Variants in RAB20 observed in about 807,000 individuals in gnomAD.
RAB20 encodes the protein RAB20, member RAS oncogene family.
In RAB20, 2 loss-of-function variants were observed where a neutral mutation model predicts 3.7. The ratio of observed to expected loss-of-function variants is 0.54; its 90% CI spans 0.22 to 1.69. RAB20 has a LOEUF of 1.69. RAB20 is among the 40% of genes most tolerant of loss of function. The probability of loss-of-function intolerance (pLI) is 0.19; values close to 1 mark genes in which losing one functional copy is unlikely to be tolerated. For synonymous variants in RAB20, 126 were observed against 130.8 expected (o/e 0.96, Z 0.25); for missense variants, 276 against 311.9 (o/e 0.88, Z 0.87).
chr13:110,536,982 A>C (rs1594132324), intron 1 of RAB20, among the ~76,000 whole-genome samples: 6 of 77,728 alleles, frequency 7.7e-5, no homozygotes, highest in African/African-American at 3.6e-4. Context: ...TCCTGTGTCC[A>C]AGTGTTTTTT....
intron 1 of RAB20, among the ~76,000 whole-genome samples, chr13:110,552,957 G>C (rs938177014): frequency 6.6e-6 from 1 of 152,202 alleles, no homozygotes; most frequent in Non-Finnish European, 1.5e-5. Flanking sequence ...CACACTGCTC[G>C]CAAGCGGCCA....
At chr13:110,539,717 G>A (rs1035122631) in intron 1 of RAB20, among the ~76,000 whole-genome samples, 1 of 151,918 alleles carries the variant, frequency 6.6e-6, no homozygotes, top group South Asian at 2.1e-4. Flanking sequence ...CCGCCACCAC[G>A]CCTGGCTAAT....
chr13:110,550,372 C>T (rs1884932629), intron 1 of RAB20, among the ~76,000 whole-genome samples: 1 of 152,158 alleles, frequency 6.6e-6, no homozygotes, highest in Non-Finnish European at 1.5e-5. Flanking sequence ...TTAATTGAAC[C>T]CAAAGAGGGG....
chr13:110,541,111 C>T (rs1225551412), intron 1 of RAB20, among the ~76,000 whole-genome samples: 2 of 152,120 alleles, frequency 1.3e-5, no homozygotes, highest in Admixed American at 6.5e-5. Flanking sequence ...AGGTGAGAGC[C>T]GACCACCCCT....
At chr13:110,541,123 A>T (rs2477912) in intron 1 of RAB20, among the ~76,000 whole-genome samples, 2 of 151,798 alleles carry the variant, frequency 1.3e-5, no homozygotes, top group Admixed American at 1.3e-4. Flanking sequence ...ACCACCCCTC[A>T]CTCTAAGTAA....
chr13:110,545,969 C>A (rs1379376820), intron 1 of RAB20, among the ~76,000 whole-genome samples: 2 of 152,136 alleles, frequency 1.3e-5, no homozygotes, highest in African/African-American at 4.8e-5. Flanking sequence ...GTAGTCTTCA[C>A]CCAGAAGCCA....
At chr13:110,533,983 G>C (rs1594130902) in intron 1 of RAB20, among the ~76,000 whole-genome samples, 1 of 152,208 alleles carries the variant, frequency 6.6e-6, no homozygotes, top group African/African-American at 2.4e-5. Flanking sequence ...AGCCTCCAGA[G>C]AGCCAATGGC....
At chr13:110,560,325 G>A (rs1487757056) in intron 1 of RAB20, among the ~76,000 whole-genome samples, 1 of 152,196 alleles carries the variant, frequency 6.6e-6, no homozygotes, top group African/African-American at 2.4e-5. Flanking sequence ...AGGCAAAAGG[G>A]AGGGGGAGAA....
chr13:110,523,227 C>T lies in RAB20; in HGVS notation c.*438G>A, dbSNP rs1206407744. ...CCAAGTGGGAGGACCAAAGACAACTCACAGTGAAGAGAAACGCTTGAGAAC... is the reference window on the plus strand; with the variant it reads ...CCAAGTGGGAGGACCAAAGACAACTTACAGTGAAGAGAAACGCTTGAGAAC... On this transcript the variant is annotated 3_prime_UTR_variant, in exon 2 of 2. Transcript: ENST00000267328. The T allele has an allele frequency of 2.4e-6, 1 of 408,812 alleles. No individual in the cohort carries two copies. Among genetic ancestry groups the T allele is most frequent in the East Asian group, 3.5e-5 (1 of 28,756 alleles). 25.3% of individuals were successfully genotyped at this position (408,812 alleles called of 1,614,324 possible).
chr13:110,527,317 G>A (rs997824287), intron 1 of RAB20, among the ~76,000 whole-genome samples: 1 of 151,964 alleles, frequency 6.6e-6, no homozygotes, highest in African/African-American at 2.4e-5. Context: ...GAGCCAGACA[G>A]ACCTGTCTAC....
At chr13:110,547,117 C>G (rs550293977) in intron 1 of RAB20, among the ~76,000 whole-genome samples, 1 of 152,288 alleles carries the variant, frequency 6.6e-6, no homozygotes, top group South Asian at 2.1e-4. Flanking sequence ...CCTGGAATGC[C>G]GCCAGTCAAG....
chr13:110,531,412 G>A (rs777109054), intron 1 of RAB20, among the ~76,000 whole-genome samples: 3 of 152,332 alleles, frequency 2.0e-5, no homozygotes, highest in East Asian at 1.9e-4. Flanking sequence ...CGGCTAATTC[G>A]CTGGGCAGGG....
chr13:110,552,726 A>T (rs1353602049), intron 1 of RAB20, among the ~76,000 whole-genome samples: 3 of 149,940 alleles, frequency 2.0e-5, no homozygotes, highest in Non-Finnish European at 4.4e-5. Flanking sequence ...TAAATAAATA[A>T]ATAAATAAAA....
chr13:110,553,171 T>C (rs1884986001), intron 1 of RAB20, among the ~76,000 whole-genome samples: 1 of 152,234 alleles, frequency 6.6e-6, no homozygotes, highest in Non-Finnish European at 1.5e-5. Context: ...GGTGACCATG[T>C]GGACCCACAT....
chr13:110,555,396 T>G lies in RAB20; in HGVS notation c.172+5952A>C, dbSNP rs1431092533. 6.6e-6 allele frequency among the ~76,000 whole-genome samples: 1 copy of G among 152,128 alleles called. No homozygotes were observed. Among genetic ancestry groups the G allele is most frequent in the Admixed American group, 6.5e-5 (1 of 15,278 alleles). On this transcript the variant is annotated intron_variant, in intron 1 of 1. Transcript: ENST00000267328. The surrounding 1 kb of genome is among the most constrained non-coding windows in gnomAD (Gnocchi z 4.0). ...ACCACAGAGTCCCCCATTTTCTCAG[T>G]CCTGCCTTTTGTCACACAGATTCCA...
Position 110,523,587 on chromosome 13 carries a change from TGCTC to T in RAB20, c.*74_*77del. The T allele has an allele frequency of 1.3e-6, 2 of 1,544,128 alleles. No homozygotes were observed. Among genetic ancestry groups the T allele is most frequent in the Non-Finnish European group, 8.7e-7 (1 of 1,145,688 alleles). ...TGGAAAATAATTCCTTGCTGTTCCTTGCTCCTTTCAGATCACAGCTTGCCTGGTC... is the reference window on the plus strand; with the variant it reads ...TGGAAAATAATTCCTTGCTGTTCCTTCTTTCAGATCACAGCTTGCCTGGTC... On this transcript the variant is annotated 3_prime_UTR_variant, in exon 2 of 2. Coordinates refer to ENST00000267328, the MANE Select transcript of RAB20 (RefSeq NM_017817.3).
chr13:110,559,982 C>T (rs1168433624), intron 1 of RAB20, among the ~76,000 whole-genome samples: 1 of 152,154 alleles, frequency 6.6e-6, no homozygotes, highest in African/African-American at 2.4e-5. Context: ...AAACCAAGGG[C>T]AGCAGTAAAT....
At chr13:110,536,758 A>T (rs1468257283) in intron 1 of RAB20, among the ~76,000 whole-genome samples, 13 of 46,122 alleles carry the variant, frequency 2.8e-4, no homozygotes, top group East Asian at 6.5e-4. Flanking sequence ...TGTTTATTTT[A>T]CTTGTACTTT....
At chr13:110,529,063 C>T (rs1159002562) in intron 1 of RAB20, among the ~76,000 whole-genome samples, 2 of 152,208 alleles carry the variant, frequency 1.3e-5, no homozygotes, top group Admixed American at 1.3e-4. Context: ...AAGGGCCAGT[C>T]CCGCAGGGAA....
Sources: allele counts gnomAD v4.1 joint callset (sites outside exome capture counted in the v4.1 genomes callset), GRCh38; gene constraint gnomAD v4.1.1; non-coding constraint Gnocchi (gnomAD v3.1); transcripts MANE v1.5; gene names NCBI Gene and HGNC (gene_info 2026-07-23, HGNC 2026-07-21).